Variants in CPEB3 observed in about 807,000 individuals in gnomAD.
CPEB3 encodes the protein cytoplasmic polyadenylation element-binding protein 3.
CPEB3 carries 20 observed loss-of-function variants against 67.2 expected under a neutral mutation model. The observed-to-expected ratio is 0.30, with a 90% confidence interval of 0.21 to 0.43. The LOEUF (loss-of-function observed/expected upper bound fraction) is 0.43, where lower values mean the gene tolerates loss of function less well. CPEB3 is among the 20% of genes least tolerant of loss of function. The probability of loss-of-function intolerance (pLI) is 1.00; values close to 1 mark genes in which losing one functional copy is unlikely to be tolerated. For synonymous variants in CPEB3, 376 were observed against 393.1 expected (o/e 0.96, Z 0.51); for missense variants, 746 against 968.6 (o/e 0.77, Z 3.05).
At chr10:92,209,934 T>A (rs1286686664) in intron 2 of CPEB3, among the ~76,000 whole-genome samples, 2 of 120,422 alleles carry the variant, frequency 1.7e-5, no homozygotes, top group South Asian at 5.2e-4. Context: ...AGAGCTAGGC[T>A]CTGTCTCAAA....
chr10:92,256,275 T>G (rs796739396), intron 1 of CPEB3, among the ~76,000 whole-genome samples: 4 of 152,166 alleles, frequency 2.6e-5, no homozygotes, highest in Non-Finnish European at 4.4e-5. Flanking sequence ...CTTCCAAATG[T>G]GGCCTCCATA....
chr10:92,289,285 C>T (rs1004371894), intron 1 of CPEB3, among the ~76,000 whole-genome samples: 2 of 151,720 alleles, frequency 1.3e-5, no homozygotes, highest in Admixed American at 1.3e-4. Context: ...CCCCTGTAAT[C>T]CCAGCACTTT....
intron 6 of CPEB3, among the ~76,000 whole-genome samples, chr10:92,130,118 T>G (rs1845777969): frequency 6.6e-6 from 1 of 151,726 alleles, no homozygotes; most frequent in Non-Finnish European, 1.5e-5. Context: ...TCATACTTAG[T>G]TCTCCCTGCA....
At chr10:92,102,835 A>C (rs904237325) in intron 7 of CPEB3, among the ~76,000 whole-genome samples, 4 of 152,084 alleles carry the variant, frequency 2.6e-5, no homozygotes, top group African/African-American at 9.7e-5. Flanking sequence ...TAATACTTCT[A>C]TCCAGCTATT....
At chr10:92,168,542 T>C (rs191891224) in intron 4 of CPEB3, among the ~76,000 whole-genome samples, 1 of 152,238 alleles carries the variant, frequency 6.6e-6, no homozygotes, top group East Asian at 1.9e-4. Context: ...CCATGTGCCA[T>C]AGGAGAAACC....
At chr10:92,073,025 C>G (rs938449094) in intron 9 of CPEB3, among the ~76,000 whole-genome samples, 16 of 144,084 alleles carry the variant, frequency 1.1e-4, no homozygotes, top group African/African-American at 3.8e-4. Context: ...AAAACTAAGG[C>G]ATGAATCTCT....
chr10:92,071,527 C>T (rs1163269045), intron 9 of CPEB3, among the ~76,000 whole-genome samples: 3 of 151,892 alleles, frequency 2.0e-5, no homozygotes, highest in Non-Finnish European at 4.4e-5. Flanking sequence ...GTCAGGAGTT[C>T]AAAACCAGCC....
chr10:92,284,359 C>A (rs758089305), intron 1 of CPEB3, among the ~76,000 whole-genome samples: 6 of 151,946 alleles, frequency 3.9e-5, no homozygotes, highest in Admixed American at 3.9e-4. Context: ...ATTTCTTACG[C>A]CTAAACCCTC....
At chr10:92,082,765 T>TGGGTC (rs1662017772) in intron 8 of CPEB3, among the ~76,000 whole-genome samples, 1 of 152,100 alleles carries the variant, frequency 6.6e-6, no homozygotes, top group African/African-American at 2.4e-5. Context: ...GACTCAGCAC[T>TGGGTC]ACCCCTGGGA....
intron 2 of CPEB3, among the ~76,000 whole-genome samples, chr10:92,220,573 C>T (rs1012664192): frequency 6.9e-5 from 10 of 144,392 alleles, no homozygotes; most frequent in African/African-American, 2.6e-4. Flanking sequence ...CCTTAAACTG[C>T]CATGTTAAAA....
intron 3 of CPEB3, among the ~76,000 whole-genome samples, chr10:92,183,960 T>C (rs1367205265): frequency 6.6e-6 from 1 of 152,214 alleles, no homozygotes; most frequent in Non-Finnish European, 1.5e-5. Flanking sequence ...CTACTTAGTT[T>C]CCCAAATGTA....
intron 1 of CPEB3, among the ~76,000 whole-genome samples, chr10:92,246,073 A>C (rs1050679648): frequency 2.0e-5 from 3 of 148,740 alleles, no homozygotes; most frequent in Admixed American, 6.7e-5. Flanking sequence ...CGGTGGCTCA[A>C]GCCTGTAATC....
chr10:92,143,523 ATTAT>A (rs1337869058), intron 5 of CPEB3, among the ~76,000 whole-genome samples: 1 of 152,194 alleles, frequency 6.6e-6, no homozygotes, highest in Non-Finnish European at 1.5e-5. Context: ...AACCTCTAAG[ATTAT>A]TTAAGAAATA....
At chr10:92,285,191 G>A (rs1308669755) in intron 1 of CPEB3, among the ~76,000 whole-genome samples, 1 of 152,202 alleles carries the variant, frequency 6.6e-6, no homozygotes, top group Non-Finnish European at 1.5e-5. Context: ...ATTCATGAGG[G>A]CAGAGCCCTC....
Position 92,047,140 on chromosome 10 carries a change from C to G in CPEB3, c.*5072G>C, listed in dbSNP as rs949739612. The G allele has an allele frequency of 3.0e-4, 45 of 152,252 alleles. No homozygotes were observed. The highest frequency in any genetic ancestry group is 1.0e-3 in the African/African-American group (43 of 41,536). The allele number at this position is 152,252 out of a possible 1,614,324, so 9.4% of individuals were successfully genotyped here. A position where few individuals can be genotyped will look rare whatever the true frequency, so the allele number is the denominator to read the frequency against. On this transcript the variant is annotated 3_prime_UTR_variant, in exon 10 of 10. Transcript: ENST00000265997. ...GTCGTCATACAAATTTAAACATCCC[C>G]TAATCATGTAGCCACTTCTTGACCC...
intron 2 of CPEB3, among the ~76,000 whole-genome samples, chr10:92,194,017 T>C (rs1327020541): frequency 6.6e-6 from 1 of 151,772 alleles, no homozygotes; most frequent in Non-Finnish European, 1.5e-5. Context: ...AGGATGATCT[T>C]GATCTCCTGA....
chr10:92,262,697 A>T (rs1345614700), intron 1 of CPEB3, among the ~76,000 whole-genome samples: 2 of 152,154 alleles, frequency 1.3e-5, no homozygotes, highest in African/African-American at 4.8e-5. Context: ...AAATTTTTAA[A>T]AAATAAATAA....
At chr10:92,079,744 C>T (rs73314344) in intron 9 of CPEB3, among the ~76,000 whole-genome samples, 1 of 152,032 alleles carries the variant, frequency 6.6e-6, no homozygotes, top group African/African-American at 2.4e-5. Flanking sequence ...AAGAAACTTG[C>T]CTGCTACACA....
chr10:92,051,010 C>T lies in CPEB3; in HGVS notation c.*1202G>A, dbSNP rs987707781. ...GTTTGATCACAGTTAGACATAATCACTTTACTATATAAAATAAATTTCACA... is the reference window on the plus strand; with the variant it reads ...GTTTGATCACAGTTAGACATAATCATTTTACTATATAAAATAAATTTCACA... On this transcript the variant is annotated 3_prime_UTR_variant, in exon 10 of 10. Transcript: ENST00000265997. 1 of 152,578 alleles carries T rather than the reference C, an allele frequency of 6.6e-6. No individual in the cohort carries two copies. Among genetic ancestry groups the T allele is most frequent in the African/African-American group, 2.4e-5 (1 of 41,434 alleles). 9.5% of individuals were successfully genotyped at this position (152,578 alleles called of 1,614,324 possible).
Sources: allele counts gnomAD v4.1 joint callset (sites outside exome capture counted in the v4.1 genomes callset), GRCh38; gene constraint gnomAD v4.1.1; transcripts MANE v1.5; gene names NCBI Gene and HGNC (gene_info 2026-07-23, HGNC 2026-07-21).